Variants in DAB1 observed in about 807,000 individuals in gnomAD.
DAB1 encodes DAB adaptor protein 1.
DAB1 carries 15 observed loss-of-function variants against 64.6 expected under a neutral mutation model. The ratio of observed to expected loss-of-function variants is 0.23; its 90% CI spans 0.16 to 0.36. The LOEUF (loss-of-function observed/expected upper bound fraction) is 0.36. DAB1 is among the 10% of genes least tolerant of loss of function. The probability of loss-of-function intolerance (pLI) is 1.00; values close to 1 mark genes in which losing one functional copy is unlikely to be tolerated. For missense variants in DAB1, 596 were observed against 706.7 expected, an observed-to-expected ratio of 0.84 and a Z score of 1.78; for synonymous variants, 235 against 251.9, an observed-to-expected ratio of 0.93 and a Z score of 0.64.
chr1:57,389,792 C>T (rs974773992), intron 1 of DAB1, among the ~76,000 whole-genome samples: 7 of 152,130 alleles, frequency 4.6e-5, no homozygotes, highest in South Asian at 2.1e-4. Context: ...CTATACTTTC[C>T]GAGATACAGA....
chr1:57,129,507 G>A (rs1326645291), intron 4 of DAB1, among the ~76,000 whole-genome samples: 2 of 152,092 alleles, frequency 1.3e-5, no homozygotes, highest in Non-Finnish European at 2.9e-5. Flanking sequence ...GGGTGGTCTA[G>A]AGAGAAGAGA....
chr1:58,013,504 A>G (rs1646698208), intron 5 of DAB1, among the ~76,000 whole-genome samples: 2 of 152,302 alleles, frequency 1.3e-5, no homozygotes, highest in South Asian at 4.1e-4. Context: ...TTTCTTTAAT[A>G]ACAACAACCT....
chr1:57,704,238 T>TA (rs1646939724), intron 6 of DAB1, among the ~76,000 whole-genome samples: 1 of 152,180 alleles, frequency 6.6e-6, no homozygotes. Context: ...AATTGGATGA[T>TA]TTTGTCAAAA....
chr1:58,033,815 C>T (rs971950383), intron 5 of DAB1, among the ~76,000 whole-genome samples: 3 of 152,104 alleles, frequency 2.0e-5, no homozygotes, highest in Non-Finnish European at 2.9e-5. Context: ...CACTTAGAAT[C>T]ATCTTTTTTT....
At chr1:58,109,613 G>C (rs530234756) in intron 5 of DAB1, among the ~76,000 whole-genome samples, 72 of 152,006 alleles carry the variant, frequency 4.7e-4, no homozygotes, top group African/African-American at 1.7e-3. Context: ...AAAAAAGCTA[G>C]AGTCTGATTT....
At chr1:57,337,866 C>A in intron 1 of DAB1, among the ~76,000 whole-genome samples, 1 of 118,596 alleles carries the variant, frequency 8.4e-6, no homozygotes, top group African/African-American at 3.2e-5. Context: ...CCTTTCCCTT[C>A]CCTCCCCTCC....
chr1:57,200,356 C>G (rs1240363200), intron 2 of DAB1, among the ~76,000 whole-genome samples: 1 of 152,208 alleles, frequency 6.6e-6, no homozygotes, highest in Non-Finnish European at 1.5e-5. Context: ...TCTCAATTCT[C>G]TTGCATGAAA....
In DAB1 at chr1:57,713,972, C is replaced by T. The variant is rs565564700; in HGVS notation, n.552-64307G>A. Among the ~76,000 whole-genome samples the T allele has an allele frequency of 3.2e-4, 49 of 152,220 alleles. 1 individual carries two copies. The highest frequency in any genetic ancestry group is 1.2e-3 in the African/African-American group (48 of 41,540). On this transcript the variant is annotated intron_variant and non_coding_transcript_variant, in intron 6 of 20. Coordinates refer to the DAB1 transcript ENST00000485760. ...TCATTCATTCCACCTACATCTGTTCCTAAGCACCTGTTATATGTCAGGCAC... is the reference window on the plus strand; with the variant it reads ...TCATTCATTCCACCTACATCTGTTCTTAAGCACCTGTTATATGTCAGGCAC...
chr1:58,058,727 T>C (rs1159887214), intron 5 of DAB1, among the ~76,000 whole-genome samples: 1 of 152,166 alleles, frequency 6.6e-6, no homozygotes, highest in Non-Finnish European at 1.5e-5. Flanking sequence ...CTCTCCTAAC[T>C]TGGGCTTTCT....
Position 57,106,549 on chromosome 1 carries a change from TTTC to T in DAB1, c.306+29991_306+29993del, listed in dbSNP as rs1324613998. 2.0e-5 allele frequency among the ~76,000 whole-genome samples: 3 copies of T among 152,188 alleles called. No homozygotes were observed. The East Asian group carries it at 5.8e-4, about 29-fold the overall frequency. ...TGGGGTGGAGCTTGCTTCCTTTCTG[TTTC>T]TTGTCTAGGGAGGCCCATGTAGAAC... On this transcript the variant is annotated intron_variant, in intron 4 of 14. Transcript: ENST00000371236.
At chr1:58,177,191 C>A (rs1656530984) in intron 4 of DAB1, among the ~76,000 whole-genome samples, 1 of 152,108 alleles carries the variant, frequency 6.6e-6, no homozygotes, top group African/African-American at 2.4e-5. Flanking sequence ...AGAACTCAAC[C>A]TAAAGTCCTT....
At chr1:57,808,366 C>T (rs1651465961) in intron 6 of DAB1, among the ~76,000 whole-genome samples, 1 of 152,140 alleles carries the variant, frequency 6.6e-6, no homozygotes, top group African/African-American at 2.4e-5. Context: ...TCAGAGCACT[C>T]GGTACCCTGT....
At chr1:57,246,813 A>G (rs1668919879) in intron 2 of DAB1, among the ~76,000 whole-genome samples, 1 of 152,240 alleles carries the variant, frequency 6.6e-6, no homozygotes, top group Non-Finnish European at 1.5e-5. Flanking sequence ...GGTGTGAGAC[A>G]TGGAGTCAAA....
Position 57,740,046 on chromosome 1 carries a change from CAAA to C in DAB1, n.552-90384_552-90382del, listed in dbSNP as rs34382329. ...CCCATCTCTACTACTACTACTACTA[CAAA>C]AAAAAAAAAAAAAAATTCGCCAGGC... On this transcript the variant is annotated intron_variant and non_coding_transcript_variant, in intron 6 of 20. Transcript: ENST00000485760. Among the ~76,000 whole-genome samples the C allele has an allele frequency of 1.1e-4, 11 of 103,108 alleles. 1 individual carries two copies. The highest frequency in any genetic ancestry group is 3.0e-4 in the African/African-American group (8 of 26,686). 67.6% of individuals were successfully genotyped at this position (103,108 alleles called of 152,430 possible). A position where few individuals can be genotyped will look rare whatever the true frequency, so the allele number is the denominator to read the frequency against.
intron 3 of DAB1, among the ~76,000 whole-genome samples, chr1:58,391,739 AC>A (rs947842270): frequency 6.6e-5 from 10 of 151,894 alleles, no homozygotes; most frequent in African/African-American, 2.4e-4. Context: ...CTTGACATCC[AC>A]CCTCTTACTG....
chr1:57,763,705 A>ATTAAT (rs1261570106), intron 6 of DAB1, among the ~76,000 whole-genome samples: 1 of 152,144 alleles, frequency 6.6e-6, no homozygotes, highest in African/African-American at 2.4e-5. Flanking sequence ...ATTGCAGGCC[A>ATTAAT]CACCAAAACA....
At chr1:58,195,684 A>G (rs1268536434) in intron 4 of DAB1, among the ~76,000 whole-genome samples, 4 of 152,210 alleles carry the variant, frequency 2.6e-5, no homozygotes, top group Non-Finnish European at 5.9e-5. Flanking sequence ...AGCAAATATG[A>G]GTCAGAAGAT....
At chr1:57,357,963 A>G (rs1192195685) in intron 1 of DAB1, among the ~76,000 whole-genome samples, 1 of 151,992 alleles carries the variant, frequency 6.6e-6, no homozygotes, top group Non-Finnish European at 1.5e-5. Flanking sequence ...CCGTATTAGC[A>G]CGGAAAAACA....
intron 2 of DAB1, among the ~76,000 whole-genome samples, chr1:57,196,399 GT>G (rs775329291): frequency 4.6e-5 from 7 of 152,122 alleles, no homozygotes; most frequent in Non-Finnish European, 5.9e-5. Flanking sequence ...TTCTTTCCTT[GT>G]CCATCATGTA....
Sources: gnomAD v4.1 joint callset for allele counts (sites outside exome capture counted in the v4.1 genomes callset) on GRCh38, gnomAD v4.1.1 for gene constraint, MANE v1.5 for transcripts, NCBI Gene and HGNC (gene_info 2026-07-23, HGNC 2026-07-21) for gene names.